Variants in CROCC2 observed in about 807,000 individuals in gnomAD.
CROCC2 encodes the protein ciliary rootlet coiled-coil protein 2.
CROCC2 carries 163 observed loss-of-function variants against 177.6 expected under a neutral mutation model. The ratio of observed to expected loss-of-function variants is 0.92; its 90% CI spans 0.81 to 1.05. The LOEUF is 1.05. Among genes scored for constraint, CROCC2 ranks in the 50% least tolerant of loss-of-function variants. The pLI, the probability that CROCC2 is intolerant of heterozygous loss-of-function variation, is 0.00. For synonymous variants in CROCC2, 904 were observed against 787.3 expected (o/e 1.15, Z -2.48); for missense variants, 1,929 against 1,797.8 (o/e 1.07, Z -1.32).
rs1346782722 is a variant in CROCC2, at chr2:240,960,849, T to G, written c.3087+1405T>G. Among the ~76,000 whole-genome samples, 1 of 149,620 alleles carries G rather than the reference T, an allele frequency of 6.7e-6. No homozygotes were observed. The highest frequency in any genetic ancestry group is 1.5e-5 in the Non-Finnish European group (1 of 67,648). ...AGGAGAAAGGTCTCCTTTCAACAGA[T>G]TTCAAAGTCAGGCCCGGTCAGCGAC... is the stretch of plus-strand genomic sequence containing the variant. On this transcript the variant is annotated intron_variant, in intron 20 of 31. Transcript: ENST00000690015. This position sits in a 1 kb window ranked among gnomAD's most constrained non-coding sequence, Gnocchi z 5.0.
chr2:240,930,795 G>A (rs2059424016), intron 6 of CROCC2, 136 bp from the exon 7 acceptor site: 2 of 591,806 alleles, frequency 3.4e-6, no homozygotes, highest in East Asian at 2.8e-5. Flanking sequence ...TGACACATGG[G>A]AACAATCAAT....
chr2:240,927,917 C>G (rs1387923306), intron 5 of CROCC2, among the ~76,000 whole-genome samples: 1 of 152,232 alleles, frequency 6.6e-6, no homozygotes, highest in Non-Finnish European at 1.5e-5. Flanking sequence ...TCCCAAAATG[C>G]TGGGATTACA....
In CROCC2 at chr2:240,918,342, G is replaced by A. The variant is rs949168980; in HGVS notation, c.79-384G>A. On this transcript the variant is annotated intron_variant, in intron 1 of 31. Transcript: ENST00000690015. This position sits in a 1 kb window ranked among gnomAD's most constrained non-coding sequence, Gnocchi z 6.3. ...AGCTGTGAGACCACCTGCTCCAGGTGGGCGAGGATGTTGGGTTTCTTGTGG... is the reference window on the plus strand; with the variant it reads ...AGCTGTGAGACCACCTGCTCCAGGTAGGCGAGGATGTTGGGTTTCTTGTGG... Among the ~76,000 whole-genome samples, 4 of 152,208 alleles carry A rather than the reference G, an allele frequency of 2.6e-5. No individual in the cohort carries two copies. The highest frequency in any genetic ancestry group is 4.8e-5 in the African/African-American group (2 of 41,444).
chr2:240,961,495 C>T (rs2059633408), intron 20 of CROCC2, among the ~76,000 whole-genome samples: 1 of 149,532 alleles, frequency 6.7e-6, no homozygotes, highest in African/African-American at 2.5e-5. Context: ...CACATACATG[C>T]ACACACGTAT....
At chr2:240,966,441 C>A (rs371369217) in intron 25 of CROCC2, 32 bp downstream of exon 25, 3 of 399,764 alleles carry the variant, frequency 7.5e-6, no homozygotes, top group Non-Finnish European at 8.8e-6. Flanking sequence ...CCGCCCACGG[C>A]GGCACCCCCC....
At chr2:240,937,157 C>T (rs2059476037) in intron 14 of CROCC2, among the ~76,000 whole-genome samples, 1 of 152,116 alleles carries the variant, frequency 6.6e-6, no homozygotes, top group South Asian at 2.1e-4. Flanking sequence ...TGCTCCTCTG[C>T]CTTCTCGACA....
chr2:240,910,319 C>T (rs533566482), intron 1 of CROCC2, among the ~76,000 whole-genome samples: 4 of 143,794 alleles, frequency 2.8e-5, no homozygotes, highest in East Asian at 4.1e-4. Context: ...GAGTCCCGGA[C>T]GAGGAACCCA....
At chr2:240,919,368 C>G (rs1045738388) in intron 2 of CROCC2, among the ~76,000 whole-genome samples, 13 of 152,044 alleles carry the variant, frequency 8.6e-5, no homozygotes, top group African/African-American at 3.1e-4. Flanking sequence ...TGGACACTGG[C>G]ACTCAGGGAG....
intron 31 of CROCC2, 149 bp from the exon 32 acceptor site, chr2:240,992,917 A>ATG: frequency 1.7e-6 from 1 of 596,566 alleles, no homozygotes; most frequent in Non-Finnish European, 3.1e-6. Flanking sequence ...GGCCTGAGGG[A>ATG]TGGCCAGGGC....
chr2:240,967,368 G>C lies in CROCC2; in HGVS notation c.4170G>C (p.Ala1390=), dbSNP rs914316178. 2.6e-6 allele frequency: 2 copies of C among 765,824 alleles called. No homozygotes were observed. The highest frequency in any genetic ancestry group is 4.6e-6 in the Non-Finnish European group (2 of 431,878). 47.4% of individuals were successfully genotyped at this position (765,824 alleles called of 1,614,324 possible). A position where few individuals can be genotyped will look rare whatever the true frequency, so the allele number is the denominator to read the frequency against. ...AGGATGACTCCCGCATCCAGATGGCGACCCTGAGCAGCCGGCTGAGCGAGG... is the reference window on the plus strand; with the variant it reads ...AGGATGACTCCCGCATCCAGATGGCCACCCTGAGCAGCCGGCTGAGCGAGG... ...RERDDSRIQM[A]TLSSRLSEAE... is the part of the protein sequence containing the mutation. Residue 1390 remains alanine (A), a synonymous_variant, in exon 26 of 32, where the codon GCG becomes GCC. Transcript: ENST00000690015.
rs577426080 is a variant in CROCC2 at position 240,967,540 on chromosome 2, C to T, written c.4267+75C>T. ...GGCACCACCATGTCCCCACTGCTGC[C>T]GGCTATAAGCTTTCAGTCCCTGGGG... On this transcript the variant is annotated intron_variant, in intron 26 of 31. Transcript: ENST00000690015. 53 of 1,528,664 alleles carry T rather than the reference C, an allele frequency of 3.5e-5. 1 individual carries two copies. The South Asian group carries it at 3.5e-4, about 10-fold the overall frequency. 94.7% of individuals were successfully genotyped at this position (1,528,664 alleles called of 1,614,324 possible).
At chr2:240,981,156 A>T (rs968677447) in intron 27 of CROCC2, among the ~76,000 whole-genome samples, 1 of 146,066 alleles carries the variant, frequency 6.8e-6, no homozygotes, top group African/African-American at 2.6e-5. Flanking sequence ...TCTCTGGGGT[A>T]GGAGCCTCTG....
chr2:240,939,186 G>A (rs915373887), intron 14 of CROCC2, among the ~76,000 whole-genome samples: 2 of 152,038 alleles, frequency 1.3e-5, no homozygotes, highest in Non-Finnish European at 2.9e-5. Context: ...TTCATTCCTA[G>A]TATGCTGACA....
chr2:240,957,440 C>T (rs1481640415), intron 19 of CROCC2: 1 of 152,470 alleles, frequency 6.6e-6, no homozygotes, highest in Non-Finnish European at 1.5e-5. Flanking sequence ...AGGCAGCCCC[C>T]TTCTCTGCCC....
Position 240,966,125 on chromosome 2 carries a change from C to A in CROCC2, c.3962-100C>A, listed in dbSNP as rs986637090. ...CAATTGTAGGAACCTGTGGCCGTCT[C>A]CCCAACCTCCCATGGCTGGGGCAGC... is the stretch of plus-strand genomic sequence containing the variant. On this transcript the variant is annotated intron_variant, in intron 24 of 31. Coordinates refer to ENST00000690015, the MANE Select transcript of CROCC2 (RefSeq NM_001351305.2). 13 of 1,259,220 alleles carry A rather than the reference C, an allele frequency of 1.0e-5. No homozygotes were observed. In the African/African-American group the frequency reaches 2.0e-4, roughly 19 times the overall value. 78.0% of individuals were successfully genotyped at this position (1,259,220 alleles called of 1,614,324 possible). A position where few individuals can be genotyped will look rare whatever the true frequency, so the allele number is the denominator to read the frequency against.
At chr2:240,967,113 G>A (rs893288793) in intron 25 of CROCC2, among the ~76,000 whole-genome samples, 1 of 152,112 alleles carries the variant, frequency 6.6e-6, no homozygotes, top group Non-Finnish European at 1.5e-5. Context: ...TTTAGGCCGA[G>A]TCTCACTGGG....
intron 17 of CROCC2, among the ~76,000 whole-genome samples, chr2:240,950,091 G>T (rs2059544639): frequency 6.6e-6 from 1 of 152,198 alleles, no homozygotes; most frequent in African/African-American, 2.4e-5. Flanking sequence ...GCACTGCAGA[G>T]ACTCAGGAAT....
chr2:240,980,805 A>T (rs371604346), intron 27 of CROCC2, among the ~76,000 whole-genome samples: 466 of 9,064 alleles, frequency 0.051, no homozygotes, highest in East Asian at 0.28. Flanking sequence ...TAGGAGCCTC[A>T]GGAGCCCAGG....
At position 240,918,470 on chromosome 2, in the gene CROCC2, C is replaced by A. The variant is rs1407233088; in HGVS notation, c.79-256C>A. On this transcript the variant is annotated intron_variant, in intron 1 of 31. Coordinates refer to ENST00000690015, the MANE Select transcript of CROCC2 (RefSeq NM_001351305.2). The surrounding 1 kb of genome is among the most constrained non-coding windows in gnomAD (Gnocchi z 6.3). ...CACCAAGACAGGGCAGAGCCCCAAG[C>A]GCAGTACCTGCTCCTGCTGACCTCG... Among the ~76,000 whole-genome samples the A allele has an allele frequency of 6.6e-6, 1 of 152,212 alleles. No individual in the cohort carries two copies. The highest frequency in any genetic ancestry group is 1.5e-5 in the Non-Finnish European group (1 of 68,034).
Sources: allele counts gnomAD v4.1 joint callset (sites outside exome capture counted in the v4.1 genomes callset), GRCh38; gene constraint gnomAD v4.1.1; non-coding constraint Gnocchi (gnomAD v3.1); transcripts MANE v1.5; gene names NCBI Gene and HGNC (gene_info 2026-07-23, HGNC 2026-07-21).